Variants in ADGRL3 observed in about 807,000 individuals in gnomAD.
ADGRL3 encodes the protein calcium-independent alpha-latrotoxin receptor 3.
ADGRL3 carries 62 observed loss-of-function variants against 153.5 expected under a neutral mutation model. The observed-to-expected ratio is 0.40, with a 90% confidence interval of 0.33 to 0.50. The LOEUF is 0.50. Among genes scored for constraint, ADGRL3 ranks in the 20% least tolerant of loss-of-function variants. ADGRL3 has a pLI of 0.47. For missense variants in ADGRL3, 1,641 were observed against 1,859.4 expected, an observed-to-expected ratio of 0.88 and a Z score of 2.16; for synonymous variants, 710 against 672.5, an observed-to-expected ratio of 1.06 and a Z score of -0.86.
chr4:61,992,381 C>G (rs576226484), intron 19 of ADGRL3, among the ~76,000 whole-genome samples: 1 of 152,192 alleles, frequency 6.6e-6, no homozygotes, highest in African/African-American at 2.4e-5. Context: ...CCCCACATAA[C>G]GTTCTTCTCC....
At chr4:61,860,260 C>T (rs2098326873) in intron 9 of ADGRL3, among the ~76,000 whole-genome samples, 1 of 152,028 alleles carries the variant, frequency 6.6e-6, no homozygotes, top group South Asian at 2.1e-4. Context: ...TTCTCTGCAA[C>T]CAACTTAGGA....
Position 62,070,635 on chromosome 4 carries a change from T to C in ADGRL3, c.4359T>C (p.Tyr1453=). The change falls in exon 27 of 27, where the codon TAT becomes TAC. Residue 1453 remains tyrosine (Y), a synonymous_variant. Transcript: ENST00000683033. ...AGTCACCCCATAGAGACTCTCTCTA[T>C]ACCAGCATGCCGACACTGGCTGGTG... ...DLQSPHRDSL[Y]TSMPTLAGVA... 1 of 1,551,650 alleles carries C rather than the reference T, an allele frequency of 6.4e-7. No individual in the cohort carries two copies. The highest frequency in any genetic ancestry group is 8.7e-7 in the Non-Finnish European group (1 of 1,147,004).
intron 4 of ADGRL3, among the ~76,000 whole-genome samples, chr4:61,519,242 A>G (rs1388362259): frequency 2.0e-5 from 3 of 152,140 alleles, no homozygotes; most frequent in East Asian, 1.9e-4. Flanking sequence ...TTATAGCTTA[A>G]TAAGATTTTT....
intron 1 of ADGRL3, among the ~76,000 whole-genome samples, chr4:61,347,252 A>T (rs1011282564): frequency 6.6e-6 from 1 of 151,850 alleles, no homozygotes; most frequent in Non-Finnish European, 1.5e-5. Context: ...AAAATTTTTA[A>T]AAAGAGGCAT....
At chr4:61,501,498 A>T (rs2098386272) in intron 3 of ADGRL3, among the ~76,000 whole-genome samples, 1 of 152,174 alleles carries the variant, frequency 6.6e-6, no homozygotes, top group African/African-American at 2.4e-5. Context: ...AACCCTGAGA[A>T]TGGAAAGAAA....
At chr4:61,650,235 A>C (rs2094195746) in intron 5 of ADGRL3, among the ~76,000 whole-genome samples, 1 of 152,180 alleles carries the variant, frequency 6.6e-6, no homozygotes. Context: ...TAAAAATACC[A>C]TTTTTAATAA....
intron 1 of ADGRL3, among the ~76,000 whole-genome samples, chr4:61,308,521 C>G (rs1029148170): frequency 3.9e-5 from 6 of 152,152 alleles, no homozygotes; most frequent in African/African-American, 1.4e-4. Context: ...TATGCCTAAC[C>G]TATTTGTTCA....
intron 6 of ADGRL3, among the ~76,000 whole-genome samples, chr4:61,725,234 T>C (rs2096307608): frequency 1.3e-5 from 2 of 152,152 alleles, no homozygotes; most frequent in Non-Finnish European, 2.9e-5. Context: ...CCTAGCTACC[T>C]AAACTTATTA....
rs910286137 is a variant in ADGRL3, at chr4:62,072,701, A to G, written c.*1793A>G. The G allele has an allele frequency of 1.3e-5, 2 of 152,022 alleles. No individual in the cohort carries two copies. Among genetic ancestry groups the G allele is most frequent in the African/African-American group, 4.8e-5 (2 of 41,450 alleles). The allele number at this position is 152,022 out of a possible 1,614,324, so 9.4% of individuals were successfully genotyped here. A position where few individuals can be genotyped will look rare whatever the true frequency, so the allele number is the denominator to read the frequency against. On this transcript the variant is annotated 3_prime_UTR_variant, in exon 27 of 27. Coordinates refer to ENST00000683033, the MANE Select transcript of ADGRL3 (RefSeq NM_001387552.1). ...ATAACTTAATGTTGAGCAGGTTAAC[A>G]TATATGTTACTATTTGCTTATCTAT...
At chr4:61,546,113 T>G (rs1284706638) in intron 4 of ADGRL3, among the ~76,000 whole-genome samples, 1 of 152,122 alleles carries the variant, frequency 6.6e-6, no homozygotes, top group East Asian at 1.9e-4. Context: ...TCTTACCCAC[T>G]TGAAATTAAT....
chr4:61,752,952 A>G (rs2096774868), intron 8 of ADGRL3, among the ~76,000 whole-genome samples: 1 of 152,060 alleles, frequency 6.6e-6, no homozygotes, highest in Non-Finnish European at 1.5e-5. Context: ...ATATGTATTC[A>G]GCATGCCAAG....
At chr4:61,852,206 T>G (rs1300424011) in intron 9 of ADGRL3, among the ~76,000 whole-genome samples, 1 of 152,188 alleles carries the variant, frequency 6.6e-6, no homozygotes, top group African/African-American at 2.4e-5. Flanking sequence ...CTGATATACA[T>G]TGTTGCATTT....
intron 1 of ADGRL3, among the ~76,000 whole-genome samples, chr4:61,362,884 T>G (rs1290799936): frequency 6.6e-6 from 1 of 152,314 alleles, no homozygotes; most frequent in East Asian, 1.9e-4. Flanking sequence ...TTCTGATCAC[T>G]TCTGCTGTAA....
intron 9 of ADGRL3, among the ~76,000 whole-genome samples, chr4:61,844,575 A>T (rs28674990): frequency 0.018 from 314 of 17,918 alleles, 5 homozygotes; most frequent in East Asian, 0.072. Flanking sequence ...AAAAAAAAAA[A>T]ATATATATAT....
At chr4:61,503,778 G>A (rs1273875744) in intron 3 of ADGRL3, among the ~76,000 whole-genome samples, 1 of 151,836 alleles carries the variant, frequency 6.6e-6, no homozygotes, top group African/African-American at 2.4e-5. Flanking sequence ...ACATGTTTAT[G>A]GGGGTACTTA....
intron 5 of ADGRL3, among the ~76,000 whole-genome samples, chr4:61,645,999 T>C (rs192106364): frequency 0.032 from 4,887 of 152,294 alleles, 123 homozygotes; most frequent in Middle Eastern, 0.062. Context: ...TTATTCTTTT[T>C]TCTCTAAACT....
chr4:61,744,954 T>A (rs1193617548), intron 8 of ADGRL3, among the ~76,000 whole-genome samples: 4 of 151,962 alleles, frequency 2.6e-5, no homozygotes, highest in Non-Finnish European at 5.9e-5. Flanking sequence ...GGCAAAGAAG[T>A]TGAAAACTTT....
At chr4:61,716,800 A>T (rs138313919) in intron 6 of ADGRL3, among the ~76,000 whole-genome samples, 1 of 152,196 alleles carries the variant, frequency 6.6e-6, no homozygotes, top group Non-Finnish European at 1.5e-5. Context: ...AGATGAAACT[A>T]TGCGTGTTTT....
At position 62,047,184 on chromosome 4, in the gene ADGRL3, T is replaced by C. The variant is rs145829912; in HGVS notation, c.3814+2635T>C. Among the ~76,000 whole-genome samples, 154 of 152,148 alleles carry C rather than the reference T, an allele frequency of 1.0e-3. No homozygotes were observed. The East Asian group carries it at 0.026, about 26-fold the overall frequency. On this transcript the variant is annotated intron_variant, in intron 25 of 26. Transcript: ENST00000683033. ...TTTTAAATTCAGACTCCATTTTCCT[T>C]TCTTGGTAAGTTAGATGTATTGAAT...
Sources: allele counts gnomAD v4.1 joint callset (sites outside exome capture counted in the v4.1 genomes callset), GRCh38; gene constraint gnomAD v4.1.1; transcripts MANE v1.5; gene names NCBI Gene and HGNC (gene_info 2026-07-23, HGNC 2026-07-21).